WDR59: variants seen among roughly 807,000 people sequenced by gnomAD.
WDR59 encodes the protein GATOR2 complex protein WDR59.
In WDR59, 100 loss-of-function variants were observed where a neutral mutation model predicts 131.2. The observed-to-expected ratio is 0.76, with a 90% CI of 0.65 to 0.90. WDR59 has a LOEUF of 0.90. WDR59 is among the 40% of genes least tolerant of loss of function. The pLI is 0.00. For synonymous variants in WDR59, 601 were observed against 466.2 expected (o/e 1.29, Z -3.72); for missense variants, 1,203 against 1,262.2 (o/e 0.95, Z 0.71).
intron 14 of WDR59, chr16:74,911,876 G>A (rs1966110747): frequency 2.1e-6 from 1 of 485,458 alleles, no homozygotes; most frequent in Non-Finnish European, 3.7e-6. Flanking sequence ...AGATCTGTGG[G>A]CAGATTCTAT....
intron 20 of WDR59, among the ~76,000 whole-genome samples, chr16:74,890,017 G>A (rs1016271402): frequency 3.3e-5 from 5 of 152,160 alleles, no homozygotes; most frequent in Non-Finnish European, 5.9e-5. Flanking sequence ...CAACTCTTTA[G>A]GGGAGTTATG....
intron 1 of WDR59, among the ~76,000 whole-genome samples, chr16:74,969,732 C>T (rs769196735): frequency 6.6e-6 from 1 of 151,756 alleles, no homozygotes; most frequent in Non-Finnish European, 1.5e-5. Flanking sequence ...CCACGCCCGG[C>T]TCATTTTTGT....
At chr16:74,952,462 AAAAAG>A (rs1403938816) in intron 3 of WDR59, among the ~76,000 whole-genome samples, 23 of 150,556 alleles carry the variant, frequency 1.5e-4, no homozygotes, top group Non-Finnish European at 2.7e-4. Flanking sequence ...AAAAAAAAAA[AAAAAG>A]AAAAGAAAAG....
At chr16:74,897,544 GACTTCTTGAGAC>G (rs1436085956) in intron 18 of WDR59, among the ~76,000 whole-genome samples, 2 of 152,114 alleles carry the variant, frequency 1.3e-5, no homozygotes, top group African/African-American at 4.8e-5. Context: ...TGTTTCCTGG[GACTTCTTGAGAC>G]ACCAGGCTTC....
chr16:74,905,746 T>G (rs904600941), intron 17 of WDR59, among the ~76,000 whole-genome samples: 1 of 151,290 alleles, frequency 6.6e-6, no homozygotes, highest in Non-Finnish European at 1.5e-5. Context: ...TAAAAAGTGA[T>G]AAACTGGACA....
At chr16:74,941,915 G>C (rs936258950) in intron 7 of WDR59, among the ~76,000 whole-genome samples, 1 of 152,060 alleles carries the variant, frequency 6.6e-6, no homozygotes, top group Non-Finnish European at 1.5e-5. Context: ...AAGACAGTGG[G>C]GACATCCCTG....
At chr16:74,938,825 A>C (rs935826100) in intron 7 of WDR59, among the ~76,000 whole-genome samples, 1 of 151,718 alleles carries the variant, frequency 6.6e-6, no homozygotes, top group Non-Finnish European at 1.5e-5. Context: ...GGCACGATCC[A>C]CTGTGCCCGG....
At chr16:74,936,240 A>AGTCTGTT (rs2031788563) in intron 8 of WDR59, among the ~76,000 whole-genome samples, 1 of 151,842 alleles carries the variant, frequency 6.6e-6, no homozygotes, top group Non-Finnish European at 1.5e-5. Context: ...TAGGACATCA[A>AGTCTGTT]CCCTCAAGGA....
At chr16:74,909,996 C>A (rs1422306877) in intron 14 of WDR59, 79 bp from the exon 15 acceptor site, 19 of 1,118,048 alleles carry the variant, frequency 1.7e-5, no homozygotes, top group East Asian at 2.7e-5. Flanking sequence ...GAGACAAAGT[C>A]TCTCTTTGTT....
At position 74,872,566 on chromosome 16, in the gene WDR59, TAA is replaced by T. The variant is rs201118431; in HGVS notation, c.*1641_*1642del. ...CAGAGTGAGACCCTGTCTCTCTCTC[TAA>T]AAAAAAAAAAAAAAAATTTAACTTT... On this transcript the variant is annotated 3_prime_UTR_variant, in exon 26 of 26. Transcript: ENST00000262144. 24 of 122,490 alleles carry T rather than the reference TAA, an allele frequency of 2.0e-4. No individual in the cohort carries two copies. The highest frequency in any genetic ancestry group is 2.6e-4 in the Non-Finnish European group (15 of 57,950). The allele number at this position is 122,490 out of a possible 1,614,324, so 7.6% of individuals were successfully genotyped here. A position where few individuals can be genotyped will look rare whatever the true frequency, so the allele number is the denominator to read the frequency against.
intron 14 of WDR59, chr16:74,911,961 C>A: frequency 1.8e-6 from 1 of 553,646 alleles, no homozygotes; most frequent in African/African-American, 1.9e-5. Context: ...AGGAAGGGTC[C>A]ATAATTTTCA....
In WDR59 at chr16:74,899,607, G is replaced by A; in HGVS notation, c.1866+4340C>T. 6.5e-6 allele frequency: 7 copies of A among 1,084,614 alleles called. No individual in the cohort carries two copies. In the South Asian group the frequency reaches 9.4e-5, roughly 14 times the overall value. The allele number at this position is 1,084,614 out of a possible 1,614,324, so 67.2% of individuals were successfully genotyped here. A position where few individuals can be genotyped will look rare whatever the true frequency, so the allele number is the denominator to read the frequency against. The stretch of plus-strand genomic sequence containing the variant: ...GAAAACAGCTCGCCTGTCATTTCAG[G>A]TTCCTCAAAGCCAGGCAGGTGGCAT... On this transcript the variant is annotated intron_variant, in intron 18 of 25. Coordinates refer to ENST00000262144, the MANE Select transcript of WDR59 (RefSeq NM_030581.4).
intron 8 of WDR59, among the ~76,000 whole-genome samples, chr16:74,933,893 C>A (rs868845468): frequency 2.8e-4 from 42 of 152,132 alleles, no homozygotes; most frequent in African/African-American, 9.2e-4. Context: ...CATTTCTTAT[C>A]TTTAGACCCT....
intron 1 of WDR59, among the ~76,000 whole-genome samples, chr16:74,979,662 A>C (rs8062031): frequency 1.4e-5 from 2 of 145,300 alleles, no homozygotes; most frequent in Non-Finnish European, 3.0e-5. Context: ...TGCCTCAGCC[A>C]CCCGAGTAGC....
intron 4 of WDR59, 139 bp downstream of exon 4, chr16:74,951,319 T>C: frequency 2.6e-6 from 2 of 763,732 alleles, no homozygotes; most frequent in South Asian, 1.6e-5. Flanking sequence ...TCTCAGTGAA[T>C]GCTAATAACC....
chr16:74,937,952 A>G (rs759843242), intron 8 of WDR59, among the ~76,000 whole-genome samples, 198 bp downstream of exon 8: 1 of 152,254 alleles, frequency 6.6e-6, no homozygotes, highest in Non-Finnish European at 1.5e-5. Flanking sequence ...TATGCTGAAC[A>G]GCACCATGCT....
At chr16:74,946,669 G>A (rs753938784) in intron 6 of WDR59, among the ~76,000 whole-genome samples, 1 of 152,118 alleles carries the variant, frequency 6.6e-6, no homozygotes, top group Non-Finnish European at 1.5e-5. Context: ...GTTGCAGTGA[G>A]CTGAGATTCC....
At chr16:74,893,130 T>A (rs9936559) in intron 19 of WDR59, among the ~76,000 whole-genome samples, 4,769 of 152,248 alleles carry the variant, frequency 0.031, 246 homozygotes, top group African/African-American at 0.11. Context: ...CTCCACCCCC[T>A]TTGAATGTGG....
intron 1 of WDR59, 81 bp from the exon 2 acceptor site, chr16:74,965,903 T>C: frequency 4.6e-6 from 7 of 1,507,562 alleles, no homozygotes; most frequent in Non-Finnish European, 6.4e-6. Context: ...GCTCTTCCTC[T>C]TCCTGTCTCC....
Sources: gnomAD v4.1 joint callset for allele counts (sites outside exome capture counted in the v4.1 genomes callset) on GRCh38, gnomAD v4.1.1 for gene constraint, MANE v1.5 for transcripts, NCBI Gene and HGNC (gene_info 2026-07-23, HGNC 2026-07-21) for gene names.